Variants in FLNB observed in about 807,000 individuals in gnomAD.
The protein encoded by FLNB is filamin-B.
FLNB carries 111 observed loss-of-function variants against 250.6 expected under a neutral mutation model. The ratio of observed to expected loss-of-function variants is 0.44; its 90% CI spans 0.38 to 0.52. The LOEUF (loss-of-function observed/expected upper bound fraction) is 0.52. Ranked by LOEUF, FLNB falls within the 20% of genes least tolerant of loss-of-function variation. The pLI is 0.00. For synonymous variants in FLNB, 1,302 were observed against 1,372.1 expected (o/e 0.95, Z 1.13); for missense variants, 2,869 against 3,447.8 (o/e 0.83, Z 4.20).
At chr3:58,132,462 CG>C in intron 25 of FLNB, 1 of 423,998 alleles carries the variant, frequency 2.4e-6, no homozygotes, top group South Asian at 2.2e-5. Context: ...ACATCCTAAG[CG>C]TGCCTAACCA....
intron 1 of FLNB, among the ~76,000 whole-genome samples, chr3:58,070,326 G>A (rs750481223): frequency 3.3e-5 from 5 of 152,016 alleles, no homozygotes; most frequent in Non-Finnish European, 5.9e-5. Flanking sequence ...TTACAGGCGT[G>A]AGCCACTGTG....
chr3:58,091,904 A>G (rs1364101866), intron 4 of FLNB, among the ~76,000 whole-genome samples: 1 of 152,194 alleles, frequency 6.6e-6, no homozygotes, highest in African/African-American at 2.4e-5. Flanking sequence ...TACTTTTACA[A>G]ACAATTTAAA....
intron 1 of FLNB, among the ~76,000 whole-genome samples, chr3:58,028,370 T>TA (rs143632011): frequency 0.041 from 6,268 of 152,088 alleles, 452 homozygotes; most frequent in African/African-American, 0.14. Flanking sequence ...GGTCTACAAA[T>TA]AAGAGTTGTT....
Position 58,110,019 on chromosome 3 carries a change from G to T in FLNB, c.2333G>T (p.Ser778Ile), listed in dbSNP as rs1223632065. The T allele has an allele frequency of 6.2e-7, 1 of 1,614,202 alleles. No homozygotes were observed. Among genetic ancestry groups the T allele is most frequent in the Admixed American group, 1.7e-5 (1 of 60,028 alleles). The change falls in exon 16 of 46, where the codon AGT becomes ATT. Residue 778 changes from serine (S) to isoleucine (I), a missense_variant. Physicochemically the swap from Ser to Ile is moderately radical, Grantham distance 142 (BLOSUM62 -2). Transcript: ENST00000295956. ...DCTEAGEGDVSVGIKCDARVL... is the reference protein window; with the variant it reads ...DCTEAGEGDVIVGIKCDARVL... Reference sequence around the variant, plus strand: ...AGCTGGTCTGTTCCAGGTGATGTCAGTGTTGGCATTAAGTGTGATGCCCGG... The same window carrying T: ...AGCTGGTCTGTTCCAGGTGATGTCATTGTTGGCATTAAGTGTGATGCCCGG...
chr3:58,142,579 C>A lies in FLNB; in HGVS notation c.5182-71C>A. ...CTGGCTTGTAGAATTCCCAGCAGCT[C>A]TAACCCCTGTAGCTTCACCAGCTCC... On this transcript the variant is annotated intron_variant, in intron 30 of 45. Transcript: ENST00000295956. The surrounding 1 kb of genome is among the most constrained non-coding windows in gnomAD (Gnocchi z 4.3). 7.5e-7 allele frequency: 1 copy of A among 1,335,128 alleles called. No individual in the cohort carries two copies. The highest frequency in any genetic ancestry group is 1.2e-5 in the South Asian group (1 of 83,940). The allele number at this position is 1,335,128 out of a possible 1,614,324, so 82.7% of individuals were successfully genotyped here.
chr3:58,149,707 T>G, intron 36 of FLNB, 143 bp from the exon 37 acceptor site: 1 of 1,026,358 alleles, frequency 9.7e-7, no homozygotes, highest in Non-Finnish European at 1.5e-6. Context: ...CCCTCTGGGC[T>G]TTGCAAACGA....
At chr3:58,158,862 C>T (rs961065438) in intron 41 of FLNB, among the ~76,000 whole-genome samples, 10 of 152,196 alleles carry the variant, frequency 6.6e-5, no homozygotes, top group Admixed American at 3.9e-4. Flanking sequence ...CTGACGTTTT[C>T]GAGCCTCTCT....
chr3:58,011,276 G>A (rs140975811), intron 1 of FLNB, among the ~76,000 whole-genome samples: 1 of 152,220 alleles, frequency 6.6e-6, no homozygotes, highest in Non-Finnish European at 1.5e-5. Context: ...GACGTTCCAG[G>A]GTTAGTTAGC....
intron 1 of FLNB, among the ~76,000 whole-genome samples, chr3:58,020,870 A>C (rs1278834129): frequency 2.6e-5 from 4 of 151,980 alleles, no homozygotes; most frequent in Non-Finnish European, 4.4e-5. Context: ...CTTTAAGATG[A>C]AAGATGGCAA....
intron 5 of FLNB, 70 bp downstream of exon 5, chr3:58,095,024 G>C: frequency 8.5e-7 from 1 of 1,169,960 alleles, no homozygotes; most frequent in Non-Finnish European, 1.3e-6. Context: ...ATGCGGCCAG[G>C]GACTGTGCCT....
At chr3:58,132,207 A>G (rs2097308631) in intron 25 of FLNB, 3 of 594,666 alleles carry the variant, frequency 5.0e-6, no homozygotes, top group Non-Finnish European at 9.0e-6. Flanking sequence ...TCTGCAACCC[A>G]ACGCGTGCCT....
intron 11 of FLNB, among the ~76,000 whole-genome samples, chr3:58,106,364 A>G (rs959585594): frequency 2.7e-5 from 4 of 145,824 alleles, no homozygotes; most frequent in Non-Finnish European, 6.0e-5. Flanking sequence ...ATATATATAT[A>G]TATATATATA....
chr3:58,102,512 T>C (rs1323710157), intron 9 of FLNB, among the ~76,000 whole-genome samples, 172 bp downstream of exon 9: 1 of 152,244 alleles, frequency 6.6e-6, no homozygotes, highest in African/African-American at 2.4e-5. Context: ...ATTAGTAATG[T>C]CTGCCCTGGA....
At chr3:58,051,439 A>G (rs1254620339) in intron 1 of FLNB, among the ~76,000 whole-genome samples, 1 of 152,196 alleles carries the variant, frequency 6.6e-6, no homozygotes, top group African/African-American at 2.4e-5. Flanking sequence ...AAGCATGTAC[A>G]GTACTTGCTC....
At chr3:58,084,632 C>G (rs1330069945) in intron 4 of FLNB, among the ~76,000 whole-genome samples, 1 of 152,002 alleles carries the variant, frequency 6.6e-6, no homozygotes, top group Non-Finnish European at 1.5e-5. Flanking sequence ...ATAAAATTCA[C>G]TATTTTAACC....
chr3:58,083,318 C>T (rs2097211968), intron 4 of FLNB, among the ~76,000 whole-genome samples: 1 of 138,206 alleles, frequency 7.2e-6, no homozygotes, highest in Non-Finnish European at 1.6e-5. Flanking sequence ...TCCTTCCCTA[C>T]AAATGTTCCC....
rs886042162 is a variant in FLNB, at chr3:58,138,463, G to A, written c.5043G>A (p.Pro1681=). Residue 1681 remains proline (P), a synonymous_variant, in exon 29 of 46, where the codon CCG becomes CCA. Transcript: ENST00000295956. ...TYDIFYTAAK[P]GTYVIYVRFG... is the part of the protein sequence containing the mutation. ...ACATCTTCTACACAGCTGCCAAGCC[G>A]GGCACATATGTGATCTATGTGCGCT... 25 of 1,614,146 alleles carry A rather than the reference G, an allele frequency of 1.5e-5. No individual in the cohort carries two copies. The highest frequency in any genetic ancestry group is 3.3e-4 in the Middle Eastern group (2 of 6,062).
rs147042304 is a variant in FLNB at position 58,042,739 on chromosome 3, G to T, written c.292+33883G>T. On this transcript the variant is annotated intron_variant, in intron 1 of 45. Coordinates refer to ENST00000295956, the MANE Select transcript of FLNB (RefSeq NM_001457.4). ...TTGCCATGTTGCCCAGGCTGGTCTC[G>T]AACTCCTGGGGTCAAGTTATACTCT... 4.0e-3 allele frequency among the ~76,000 whole-genome samples: 613 copies of T among 152,034 alleles called. 3 individuals carry two copies. The highest frequency in any genetic ancestry group is 0.014 in the African/African-American group (577 of 41,462).
Position 58,153,443 on chromosome 3 carries a change from G to T in FLNB, c.6436G>T (p.Val2146Leu), listed in dbSNP as rs915857958. Reference protein sequence around the residue: ...PSGRVTEAEIVPMGKNSHCVR... With the variant: ...PSGRVTEAEILPMGKNSHCVR... ...TGGCCGTGTGACTGAGGCAGAGATT[G>T]TGCCCATGGGGAAGAACTCACACTG... Residue 2146 changes from valine (V) to leucine (L), a missense_variant, in exon 39 of 46, where the codon GTG becomes TTG. Around this residue, in one of 5 missense-constraint regions of FLNB, gnomAD observed 1,084 missense variants for 1,315.5 expected, o/e 0.82. Transcript: ENST00000295956. 6.2e-7 allele frequency: 1 copy of T among 1,614,256 alleles called. No individual in the cohort carries two copies.
Sources: gnomAD v4.1 joint callset for allele counts (sites outside exome capture counted in the v4.1 genomes callset) on GRCh38, gnomAD v4.1.1 for gene constraint, gnomAD v4.1.1 regional missense constraint, Gnocchi (gnomAD v3.1) non-coding constraint, MANE v1.5 for transcripts, NCBI Gene and HGNC (gene_info 2026-07-23, HGNC 2026-07-21) for gene names.